The following RBFOX1 variants were observed in gnomAD, a reference collection of about 807,000 sequenced individuals.
RBFOX1 encodes RNA binding protein fox-1 homolog 1.
A neutral mutation model predicts 57.7 loss-of-function variants in RBFOX1; 8 were observed. That is an observed-to-expected ratio of 0.14 (90% CI 0.08 to 0.25). The LOEUF is 0.25. Among genes scored for constraint, RBFOX1 ranks in the 10% least tolerant of loss-of-function variants. RBFOX1 has a pLI of 1.00. For missense variants in RBFOX1, 611 were observed against 548.5 expected (o/e 1.11, Z -1.14); for synonymous variants, 326 against 222.4 (o/e 1.47, Z -4.15).
At chr16:7,533,957 C>T (rs961901901) in intron 5 of RBFOX1, among the ~76,000 whole-genome samples, 14 of 151,986 alleles carry the variant, frequency 9.2e-5, no homozygotes, top group Non-Finnish European at 1.5e-5. Flanking sequence ...GATGTTACCT[C>T]ATTTTAAAGA....
intron 14 of RBFOX1, among the ~76,000 whole-genome samples, chr16:7,707,306 C>T (rs1038853945): frequency 1.3e-5 from 2 of 152,106 alleles, no homozygotes; most frequent in East Asian, 1.9e-4. Flanking sequence ...TCTTCACCTT[C>T]TCAGACTCCA....
At chr16:7,620,657 A>G (rs2059166384) in intron 10 of RBFOX1, among the ~76,000 whole-genome samples, 1 of 152,152 alleles carries the variant, frequency 6.6e-6, no homozygotes, top group African/African-American at 2.4e-5. Flanking sequence ...GAATTCTTAG[A>G]TGTGGCTTTG....
chr16:6,317,765 T>C (rs1401620688), intron 2 of RBFOX1, among the ~76,000 whole-genome samples: 1 of 152,196 alleles, frequency 6.6e-6, no homozygotes, highest in East Asian at 1.9e-4. Flanking sequence ...AAGTCTCTGA[T>C]GTCAGCCCTC....
intron 3 of RBFOX1, among the ~76,000 whole-genome samples, chr16:5,814,904 C>T (rs949822622): frequency 6.6e-6 from 1 of 152,002 alleles, no homozygotes; most frequent in African/African-American, 2.4e-5. Flanking sequence ...AGTCCGCAGT[C>T]CGGCCTGGGC....
Position 6,097,326 on chromosome 16 carries a change from T to C in RBFOX1, c.-127+77334T>C, listed in dbSNP as rs1013565891. ...GACTAACATAACCCCCCTTTCTTCC[T>C]ACCCCTGTGATTTGGGTGGATATTA... On this transcript the variant is annotated intron_variant, in intron 1 of 15. Coordinates refer to ENST00000550418, the MANE Select transcript of RBFOX1 (RefSeq NM_018723.4). This position sits in a 1 kb window ranked among gnomAD's most constrained non-coding sequence, Gnocchi z 5.0. Among the ~76,000 whole-genome samples, 3 of 152,150 alleles carry C rather than the reference T, an allele frequency of 2.0e-5. No individual in the cohort carries two copies. Among genetic ancestry groups the C allele is most frequent in the Admixed American group, 1.3e-4 (2 of 15,278 alleles).
At chr16:7,157,474 C>T (rs2077392111) in intron 4 of RBFOX1, among the ~76,000 whole-genome samples, 1 of 152,060 alleles carries the variant, frequency 6.6e-6, no homozygotes, top group Admixed American at 6.6e-5. Flanking sequence ...CAATTCTGCC[C>T]TGGAATTTGG....
intron 4 of RBFOX1, among the ~76,000 whole-genome samples, chr16:7,134,748 G>C (rs2071445997): frequency 6.6e-6 from 1 of 152,180 alleles, no homozygotes; most frequent in South Asian, 2.1e-4. Flanking sequence ...TGCTGCTGTA[G>C]ATGGCTTGTG....
intron 1 of RBFOX1, among the ~76,000 whole-genome samples, chr16:5,377,560 G>GAAGGA (rs111783295): frequency 0.25 from 34,973 of 142,648 alleles, 4,825 homozygotes; most frequent in African/African-American, 0.29. Flanking sequence ...GGAGGGAAAG[G>GAAGGA]AAGGAAAGGA....
At chr16:5,280,173 T>C (rs1168467288) in intron 1 of RBFOX1, among the ~76,000 whole-genome samples, 3 of 152,270 alleles carry the variant, frequency 2.0e-5, no homozygotes, top group Admixed American at 6.5e-5. Context: ...GAGTGATTTT[T>C]CTGCATCTGC....
intron 3 of RBFOX1, among the ~76,000 whole-genome samples, chr16:7,014,073 A>G (rs1337632289): frequency 5.3e-5 from 8 of 152,256 alleles, no homozygotes; most frequent in Admixed American, 5.2e-4. Context: ...TATTAAAAAT[A>G]AATACACAAT....
intron 14 of RBFOX1, among the ~76,000 whole-genome samples, chr16:7,706,894 A>G (rs563717768): frequency 7.2e-5 from 11 of 152,294 alleles, no homozygotes; most frequent in African/African-American, 2.6e-4. Context: ...GAGCTCTCTG[A>G]ATATATTATT....
chr16:6,430,313 G>A (rs549803759), intron 2 of RBFOX1, among the ~76,000 whole-genome samples: 2 of 152,220 alleles, frequency 1.3e-5, no homozygotes, highest in South Asian at 4.1e-4. Flanking sequence ...GCTCAGAATG[G>A]ATGTGGCCGG....
intron 1 of RBFOX1, among the ~76,000 whole-genome samples, chr16:5,408,019 C>T (rs890760508): frequency 1.3e-5 from 2 of 152,254 alleles, no homozygotes; most frequent in African/African-American, 2.4e-5. Flanking sequence ...CCTCCACCTC[C>T]TGTGTGGCCC....
intron 4 of RBFOX1, among the ~76,000 whole-genome samples, chr16:7,415,009 C>T (rs1015419520): frequency 6.6e-6 from 1 of 152,200 alleles, no homozygotes; most frequent in South Asian, 2.1e-4. Context: ...CTTATATGAT[C>T]ACATAGTGAA....
At chr16:6,623,640 T>A (rs1411418365) in intron 2 of RBFOX1, among the ~76,000 whole-genome samples, 4 of 151,412 alleles carry the variant, frequency 2.6e-5, no homozygotes, top group African/African-American at 9.7e-5. Context: ...TTCCCCTTCC[T>A]GTGTCCATGT....
chr16:6,254,468 T>C (rs1178839282), intron 1 of RBFOX1, among the ~76,000 whole-genome samples: 3 of 152,132 alleles, frequency 2.0e-5, no homozygotes, highest in African/African-American at 7.2e-5. Flanking sequence ...AGTAGCAGAG[T>C]GCTTAAGGAT....
At chr16:7,584,925 G>T (rs2094015123) in intron 6 of RBFOX1, among the ~76,000 whole-genome samples, 2 of 152,156 alleles carry the variant, frequency 1.3e-5, no homozygotes, top group African/African-American at 4.8e-5. Context: ...GGCAGCTGAT[G>T]TCATTGTTTC....
chr16:5,556,259 C>G (rs9929767), intron 2 of RBFOX1, among the ~76,000 whole-genome samples: 6,712 of 152,248 alleles, frequency 0.044, 507 homozygotes, highest in African/African-American at 0.15. Context: ...TAATTCCAAG[C>G]TTGCCATCTG....
intron 1 of RBFOX1, among the ~76,000 whole-genome samples, chr16:6,234,483 A>C (rs959509675): frequency 5.9e-5 from 9 of 152,204 alleles, no homozygotes; most frequent in Non-Finnish European, 1.3e-4. Flanking sequence ...AACCAGCAGC[A>C]TTCAGAAATA....
Sources: gnomAD v4.1 joint callset for allele counts (sites outside exome capture counted in the v4.1 genomes callset) on GRCh38, gnomAD v4.1.1 for gene constraint, Gnocchi (gnomAD v3.1) non-coding constraint, MANE v1.5 for transcripts, NCBI Gene and HGNC (gene_info 2026-07-23, HGNC 2026-07-21) for gene names.